The following PCDHA3 variants were observed in gnomAD, a reference collection of about 807,000 sequenced individuals.
PCDHA3 encodes the protein protocadherin alpha 3.
A neutral mutation model predicts 62.2 loss-of-function variants in PCDHA3; 41 were observed. The observed-to-expected ratio is 0.66, with a 90% CI of 0.51 to 0.86. The LOEUF is 0.86. Ranked by LOEUF, PCDHA3 falls within the 40% of genes least tolerant of loss-of-function variation. The pLI is 0.00. For missense variants in PCDHA3, 1,304 were observed against 1,241.2 expected (o/e 1.05, Z -0.76); for synonymous variants, 640 against 555.4 (o/e 1.15, Z -2.14).
chr5:140,853,603 G>A (rs1358386755), intron 1 of PCDHA3: 2 of 987,254 alleles, frequency 2.0e-6, no homozygotes, highest in South Asian at 4.7e-5. Flanking sequence ...GAGAGCAAAG[G>A]GGGTGCTGTA....
chr5:140,982,362 A>ATTCTGCTC, intron 2 of PCDHA3, 113 bp from the exon 3 acceptor site: 1 of 1,531,968 alleles, frequency 6.5e-7, no homozygotes, highest in Non-Finnish European at 8.8e-7. Context: ...GCATGAGCAG[A>ATTCTGCTC]ATGTGTTAGC....
At chr5:140,833,425 G>A (rs2150208347) in intron 1 of PCDHA3, among the ~76,000 whole-genome samples, 8,936 of 152,186 alleles carry the variant, frequency 0.059, 863 homozygotes, top group African/African-American at 0.2. Flanking sequence ...TATGTGAGAT[G>A]GCTGAGCACT....
chr5:140,870,237 A>C, intron 1 of PCDHA3: 1 of 1,614,180 alleles, frequency 6.2e-7, no homozygotes, highest in South Asian at 1.1e-5. Flanking sequence ...ACCGTGACTC[A>C]GGTGTCAACG....
chr5:140,808,219 C>A (rs782019485), intron 1 of PCDHA3: 2 of 1,614,076 alleles, frequency 1.2e-6, no homozygotes, highest in South Asian at 1.1e-5. Context: ...AAGACAACAA[C>A]GATAATGTCC....
chr5:140,952,041 T>C (rs1202542852), intron 1 of PCDHA3, among the ~76,000 whole-genome samples: 1 of 152,108 alleles, frequency 6.6e-6, no homozygotes, highest in African/African-American at 2.4e-5. Flanking sequence ...AGTAGGGCAG[T>C]TATTAAATCT....
chr5:140,898,079 C>G (rs1179252797), intron 1 of PCDHA3, among the ~76,000 whole-genome samples: 2 of 151,984 alleles, frequency 1.3e-5, no homozygotes, highest in East Asian at 1.9e-4. Context: ...ATTGTAGATT[C>G]TGGATATTAG....
intron 3 of PCDHA3, among the ~76,000 whole-genome samples, chr5:140,999,095 G>C (rs1554256620): frequency 6.6e-6 from 1 of 152,202 alleles, no homozygotes; most frequent in African/African-American, 2.4e-5. Flanking sequence ...GAGGGCTATG[G>C]AGAGTAACCT....
At chr5:140,852,213 T>C (rs1221806389) in intron 1 of PCDHA3, 1 of 646,494 alleles carries the variant, frequency 1.5e-6, no homozygotes, top group Non-Finnish European at 2.0e-6. Flanking sequence ...TAAAACAAAA[T>C]ATTTTAATTT....
At chr5:140,863,452 G>T in intron 1 of PCDHA3, 2 of 561,032 alleles carry the variant, frequency 3.6e-6, no homozygotes, top group Non-Finnish European at 6.8e-6. Flanking sequence ...TCGCAGCAAA[G>T]GAGATTTTAC....
intron 3 of PCDHA3, among the ~76,000 whole-genome samples, chr5:140,989,886 C>T (rs954644773): frequency 1.3e-5 from 2 of 151,784 alleles, no homozygotes. Flanking sequence ...CACTTGGAGT[C>T]TCCGTTATTC....
Position 140,829,037 on chromosome 5 carries a change from T to C in PCDHA3, c.2394+25446T>C, listed in dbSNP as rs2150162033. ...TTTGGATTTTGAACAAGAAAACTTA[T>C]ACAAAATCCTCATTGACGCCACGGA... On this transcript the variant is annotated intron_variant, in intron 1 of 3. Coordinates refer to ENST00000522353, the MANE Select transcript of PCDHA3 (RefSeq NM_018906.3). 9.3e-6 allele frequency: 15 copies of C among 1,613,076 alleles called. No homozygotes were observed. Among genetic ancestry groups the C allele is most frequent in the Non-Finnish European group, 1.0e-5 (12 of 1,179,162 alleles).
chr5:140,998,321 G>A lies in PCDHA3; in HGVS notation c.2543-11306G>A, dbSNP rs79793895. On this transcript the variant is annotated intron_variant, in intron 3 of 3. Coordinates refer to ENST00000522353, the MANE Select transcript of PCDHA3 (RefSeq NM_018906.3). ...TTTAGTAAGGGCACCAGGATCTGAA[G>A]CAGGATTGTTTGACTTCTGAGTCTG... is the stretch of plus-strand genomic sequence containing the variant. 9.8e-3 allele frequency among the ~76,000 whole-genome samples: 1,493 copies of A among 152,278 alleles called. 32 individuals carry two copies. The highest frequency in any genetic ancestry group is 0.034 in the African/African-American group (1,408 of 41,548).
chr5:140,903,275 T>G (rs1313552617), intron 1 of PCDHA3, among the ~76,000 whole-genome samples: 1 of 152,210 alleles, frequency 6.6e-6, no homozygotes, highest in East Asian at 1.9e-4. Context: ...TGAGGTAGTG[T>G]CTCATTGTGC....
At chr5:140,836,355 T>G (rs2150258561) in intron 1 of PCDHA3, 2 of 1,613,660 alleles carry the variant, frequency 1.2e-6, no homozygotes, top group Admixed American at 3.3e-5. Flanking sequence ...CGGGGAGCCC[T>G]CGCTGACAGC....
At chr5:140,879,208 A>C (rs546096733) in intron 1 of PCDHA3, among the ~76,000 whole-genome samples, 1 of 152,362 alleles carries the variant, frequency 6.6e-6, no homozygotes, top group East Asian at 1.9e-4. Context: ...ATGGCAGTAG[A>C]AATGAATTGA....
intron 3 of PCDHA3, among the ~76,000 whole-genome samples, chr5:140,998,621 A>G (rs1167341355): frequency 5.3e-5 from 8 of 151,758 alleles, no homozygotes; most frequent in Admixed American, 3.9e-4. Context: ...CTGGAGTGCA[A>G]TGGCACAATC....
At chr5:140,984,174 G>A (rs557769828) in intron 3 of PCDHA3, among the ~76,000 whole-genome samples, 25 of 152,318 alleles carry the variant, frequency 1.6e-4, no homozygotes, top group African/African-American at 5.8e-4. Flanking sequence ...AAGAAGCCAC[G>A]TGAAATCATG....
rs1762846843 is a variant in PCDHA3, at chr5:140,802,100, A to C, written c.903A>C (p.Gln301His). 1 of 1,614,116 alleles carries C rather than the reference A, an allele frequency of 6.2e-7. No individual in the cohort carries two copies. Among genetic ancestry groups the C allele is most frequent in the African/African-American group, 1.3e-5 (1 of 74,932 alleles). The change falls in exon 1 of 4, where the codon CAA (glutamine) becomes CAC (histidine). Residue 301 changes from glutamine (Q) to histidine (H), a missense_variant. Physicochemically the swap from Gln to His is conservative, Grantham distance 24 (BLOSUM62 0). Transcript: ENST00000522353. ...SKFHLDPVNG[Q>H]ISVKGNIDFE... ...TCCATTTAGATCCAGTCAATGGACA[A>C]ATCAGTGTAAAGGGTAACATAGATT...
intron 1 of PCDHA3, chr5:140,835,926 G>C: frequency 1.2e-6 from 2 of 1,612,440 alleles, no homozygotes; most frequent in South Asian, 1.1e-5. Flanking sequence ...CGCGGAGAGC[G>C]GCAAGGTGTA....
Sources: gnomAD v4.1 joint callset for allele counts (sites outside exome capture counted in the v4.1 genomes callset) on GRCh38, gnomAD v4.1.1 for gene constraint, MANE v1.5 for transcripts, NCBI Gene and HGNC (gene_info 2026-07-23, HGNC 2026-07-21) for gene names.